Variants in NID2 observed in about 807,000 individuals in gnomAD.
The protein encoded by NID2 is nidogen 2.
A neutral mutation model predicts 145.4 loss-of-function variants in NID2; 83 were observed. That is an observed-to-expected ratio of 0.57 (90% CI 0.48 to 0.69). The LOEUF is 0.69. NID2 is among the 30% of genes least tolerant of loss of function. NID2 has a pLI of 0.00. For missense variants in NID2, 1,807 were observed against 1,765.7 expected (o/e 1.02, Z -0.42); for synonymous variants, 739 against 701.3 (o/e 1.05, Z -0.85).
rs185447875 is a variant in NID2 at position 52,040,895 on chromosome 14, G to A, written c.1826-44C>T. ...CAGCACAGGGATGAAAAGAGGTCTTGCTTAAACAGTTACCAGTATATACTG... is the reference window on the plus strand; with the variant it reads ...CAGCACAGGGATGAAAAGAGGTCTTACTTAAACAGTTACCAGTATATACTG... On this transcript the variant is annotated intron_variant, in intron 7 of 21. Coordinates refer to ENST00000216286, the MANE Select transcript of NID2 (RefSeq NM_007361.4). 5.9e-4 allele frequency: 928 copies of A among 1,577,112 alleles called. 1 individual carries two copies. The highest frequency in any genetic ancestry group is 7.5e-4 in the Non-Finnish European group (865 of 1,146,548).
At chr14:52,049,760 A>T (rs571854356) in intron 5 of NID2, among the ~76,000 whole-genome samples, 3 of 152,278 alleles carry the variant, frequency 2.0e-5, no homozygotes, top group Non-Finnish European at 4.4e-5. Context: ...GGTGGCAGTG[A>T]TCACGACCCT....
intron 5 of NID2, among the ~76,000 whole-genome samples, chr14:52,049,770 T>C (rs1377817944): frequency 1.3e-5 from 2 of 152,178 alleles, no homozygotes; most frequent in East Asian, 3.8e-4. Context: ...ATCACGACCC[T>C]GGGGGTGGCC....
chr14:52,011,484 T>A, intron 17 of NID2, 70 bp downstream of exon 17: 1 of 1,597,286 alleles, frequency 6.3e-7, no homozygotes, highest in Non-Finnish European at 8.6e-7. Flanking sequence ...GAGGGGAGAC[T>A]TCGGCGTAAA....
intron 12 of NID2, among the ~76,000 whole-genome samples, chr14:52,023,966 T>C (rs1307182802): frequency 6.6e-6 from 1 of 152,232 alleles, no homozygotes; most frequent in African/African-American, 2.4e-5. Context: ...ATACAGCCTC[T>C]GTTCTTTGGT....
intron 5 of NID2, among the ~76,000 whole-genome samples, chr14:52,053,296 G>A (rs985342875): frequency 6.6e-6 from 1 of 152,182 alleles, no homozygotes; most frequent in Admixed American, 6.5e-5. Flanking sequence ...ACTTGAGAGC[G>A]TAGCTGGCAT....
intron 5 of NID2, among the ~76,000 whole-genome samples, chr14:52,051,604 ACC>A (rs1419230771): frequency 6.6e-6 from 1 of 152,082 alleles, no homozygotes; most frequent in African/African-American, 2.4e-5. Flanking sequence ...TACCAGACAG[ACC>A]TCTGAGCCTC....
chr14:52,005,600 A>C (rs769534665), intron 21 of NID2, 104 bp from the exon 22 acceptor site: 31 of 1,478,766 alleles, frequency 2.1e-5, no homozygotes, highest in Non-Finnish European at 2.9e-5. Context: ...GGTAGATTTA[A>C]GGTAGTAAAG....
Position 52,068,896 on chromosome 14 carries a change from TG to T in NID2, c.98del (p.Pro33GlnfsTer27). 6.2e-7 allele frequency: 1 copy of T among 1,614,080 alleles called. No individual in the cohort carries two copies. The highest frequency in any genetic ancestry group is 8.5e-7 in the Non-Finnish European group (1 of 1,180,024). On this transcript the variant is annotated frameshift_variant, in exon 1 of 22. Transcript: ENST00000216286. LOFTEE classifies it high-confidence loss of function. ...LLMLRAAALH[P>X]DELFPHGESW... ...ACTCCCCGTGTGGGAAGAGCTCGTC[TG>T]GGTGCAGCGCCGCGGCCCGCAACAT... is the stretch of plus-strand genomic sequence containing the variant.
At chr14:52,061,483 G>C (rs116143729) in intron 2 of NID2, among the ~76,000 whole-genome samples, 2 of 152,286 alleles carry the variant, frequency 1.3e-5, no homozygotes, top group East Asian at 1.9e-4. Flanking sequence ...AGAGTCTCAC[G>C]GTGTAGGACT....
Position 52,010,971 on chromosome 14 carries a change from C to G in NID2, c.3627G>C (p.Lys1209Asn), listed in dbSNP as rs754395151. The change falls in exon 18 of 22, where the codon AAG becomes AAC. Residue 1209 changes from lysine to asparagine, a missense_variant. Transcript: ENST00000216286. Reference sequence around the variant, plus strand: ...AGCCATCCAGCAGGGCGCTCTCTATCTTATCCAGGACACTGTCCGTCCAGT... The same window carrying G: ...AGCCATCCAGCAGGGCGCTCTCTATGTTATCCAGGACACTGTCCGTCCAGT... The part of the protein sequence containing the change: ...TMYWTDSVLD[K>N]IESALLDGSE... The G allele has an allele frequency of 2.5e-6, 4 of 1,614,092 alleles. No individual in the cohort carries two copies. The African/African-American group carries it at 4.0e-5, about 16-fold the overall frequency.
intron 14 of NID2, among the ~76,000 whole-genome samples, chr14:52,017,757 G>A (rs1891264206): frequency 6.6e-6 from 1 of 151,948 alleles, no homozygotes; most frequent in African/African-American, 2.4e-5. Flanking sequence ...TAGAAACAAA[G>A]AGCGACTATG....
At chr14:52,044,610 CT>C (rs34090732) in intron 5 of NID2, among the ~76,000 whole-genome samples, 120,890 of 151,484 alleles carry the variant, frequency 0.8, 48,343 homozygotes, top group South Asian at 0.89. Flanking sequence ...GTAGCAGGGA[CT>C]TTTTTTTGTT....
At chr14:52,019,811 G>C (rs951166666) in intron 13 of NID2, among the ~76,000 whole-genome samples, 1 of 152,086 alleles carries the variant, frequency 6.6e-6, no homozygotes, top group African/African-American at 2.4e-5. Context: ...AGATCACTAG[G>C]GCAGTTAACC....
chr14:52,039,730 G>A (rs1566762038), intron 8 of NID2, among the ~76,000 whole-genome samples: 1 of 152,176 alleles, frequency 6.6e-6, no homozygotes, highest in Non-Finnish European at 1.5e-5. Context: ...TGCGCAGGTA[G>A]TACTTTCACA....
chr14:52,028,839 A>T lies in NID2; in HGVS notation c.2413T>A (p.Cys805Ser). 1 of 1,613,348 alleles carries T rather than the reference A, an allele frequency of 6.2e-7. No individual in the cohort carries two copies. Among genetic ancestry groups the T allele is most frequent in the East Asian group, 2.2e-5 (1 of 44,860 alleles). The change falls in exon 11 of 22, where the codon TGT becomes AGT. Residue 805 changes from cysteine (C) to serine (S), a missense_variant. Physicochemically the swap from Cys to Ser is moderately radical, Grantham distance 112. Transcript: ENST00000216286. ...CCACAGCGATGAAAGCCAGTTGCAC[A>T]TTCATTTTCATCTAAGAAGAAATGA... Reference protein sequence around the residue: ...DGRNCVDENECATGFHRCGPN... With the variant: ...DGRNCVDENESATGFHRCGPN...
At chr14:52,035,819 C>T (rs926448822) in intron 9 of NID2, among the ~76,000 whole-genome samples, 2 of 128,572 alleles carry the variant, frequency 1.6e-5, no homozygotes, top group Non-Finnish European at 3.4e-5. Context: ...GCTGGGACTA[C>T]AGACACATGC....
intron 12 of NID2, among the ~76,000 whole-genome samples, chr14:52,022,120 G>A (rs1891421019): frequency 6.6e-6 from 1 of 152,152 alleles, no homozygotes; most frequent in Non-Finnish European, 1.5e-5. Context: ...TGTTACTTTT[G>A]AACTCAAGAG....
At position 52,036,784 on chromosome 14, in the gene NID2, T is replaced by C. The variant is rs955147416; in HGVS notation, c.2257+1963A>G. 9.8e-5 allele frequency among the ~76,000 whole-genome samples: 15 copies of C among 152,346 alleles called. No homozygotes were observed. The South Asian group carries it at 2.5e-3, about 25-fold the overall frequency. ...TGCTGAGCATCTTTACACATGCCCA[T>C]TGGGTATCTGTATATCTTTTTGGAG... On this transcript the variant is annotated intron_variant, in intron 9 of 21. Transcript: ENST00000216286.
chr14:52,006,372 T>G (rs777951004), intron 20 of NID2, 165 bp downstream of exon 20: 1 of 715,668 alleles, frequency 1.4e-6, no homozygotes, highest in Non-Finnish European at 2.3e-6. Flanking sequence ...CATGAAAGGA[T>G]GAAAAACATC....
Sources: allele counts gnomAD v4.1 joint callset (sites outside exome capture counted in the v4.1 genomes callset), GRCh38; gene constraint gnomAD v4.1.1; transcripts MANE v1.5; gene names NCBI Gene and HGNC (gene_info 2026-07-23, HGNC 2026-07-21).